The following APBA2 variants were observed in gnomAD, a reference collection of about 807,000 sequenced individuals.
APBA2 encodes amyloid beta precursor protein binding family A member 2, also known as amyloid-beta A4 precursor protein-binding family A member 2.
A neutral mutation model predicts 75.0 loss-of-function variants in APBA2; 30 were observed. That is an observed-to-expected ratio of 0.40 (90% CI 0.30 to 0.54). The LOEUF (loss-of-function observed/expected upper bound fraction) is 0.54. Among genes scored for constraint, APBA2 ranks in the 20% least tolerant of loss-of-function variants. APBA2 has a pLI of 0.49. For synonymous variants in APBA2, 444 were observed against 409.6 expected, an observed-to-expected ratio of 1.08 and a Z score of -1.01; for missense variants, 801 against 1,016.1, an observed-to-expected ratio of 0.79 and a Z score of 2.88.
chr15:29,002,774 A>G lies in APBA2; in HGVS notation c.-41+6968A>G, dbSNP rs555605702. 2.4e-3 allele frequency among the ~76,000 whole-genome samples: 372 copies of G among 152,194 alleles called. 1 individual carries two copies. The highest frequency in any genetic ancestry group is 4.3e-3 in the Non-Finnish European group (290 of 68,010). Reference sequence around the variant, plus strand: ...GCCCCTGACCTTCAGTTCGAGAATCAGCCACTGCAGGAAAGGGTGGCGTCT... The same window carrying G: ...GCCCCTGACCTTCAGTTCGAGAATCGGCCACTGCAGGAAAGGGTGGCGTCT... On this transcript the variant is annotated intron_variant, in intron 3 of 14. Coordinates refer to ENST00000683413, the MANE Select transcript of APBA2 (RefSeq NM_001353788.2).
At chr15:28,994,518 C>T (rs1375096698) in intron 2 of APBA2, among the ~76,000 whole-genome samples, 1 of 152,168 alleles carries the variant, frequency 6.6e-6, no homozygotes, top group Non-Finnish European at 1.5e-5. Context: ...CAGAGGCAAG[C>T]AGGTTACGGC....
At chr15:29,025,690 G>A (rs561798669) in intron 3 of APBA2, among the ~76,000 whole-genome samples, 6 of 152,012 alleles carry the variant, frequency 3.9e-5, no homozygotes, top group Admixed American at 2.6e-4. Flanking sequence ...GGTGGCTCAC[G>A]CCTATAATCC....
intron 2 of APBA2, among the ~76,000 whole-genome samples, chr15:28,925,656 G>A (rs2034220622): frequency 6.6e-6 from 1 of 152,136 alleles, no homozygotes; most frequent in Non-Finnish European, 1.5e-5. Flanking sequence ...GCTGTAGTTG[G>A]ATGGAATATT....
chr15:29,100,866 C>T lies in APBA2; in HGVS notation c.1339-733C>T, dbSNP rs12592853. 2.9e-3 allele frequency among the ~76,000 whole-genome samples: 441 copies of T among 152,272 alleles called. 10 individuals are homozygous for T. The East Asian group carries it at 0.063, about 22-fold the overall frequency. On this transcript the variant is annotated intron_variant, in intron 9 of 14. Transcript: ENST00000683413. ...TGCTCCAGCAGAGACAGCCCGAGAG[C>T]TCACCTGACATCACGCCTCCCTGGG...
rs143018996 is a variant in APBA2 at position 28,941,232 on chromosome 15, G to A, written c.-95+19483G>A. ...AGGATGGAACCTCTGTGTCTGAAGC[G>A]TCTCAGCACATCTGAATTCACAAGC... On this transcript the variant is annotated intron_variant, in intron 2 of 14. Transcript: ENST00000683413. 2.9e-3 allele frequency among the ~76,000 whole-genome samples: 440 copies of A among 152,244 alleles called. 4 individuals carry two copies. Among genetic ancestry groups the A allele is most frequent in the African/African-American group, 0.01 (421 of 41,534 alleles).
intron 2 of APBA2, among the ~76,000 whole-genome samples, chr15:28,965,680 A>G (rs889215445): frequency 7.2e-5 from 11 of 152,206 alleles, no homozygotes; most frequent in African/African-American, 2.6e-4. Context: ...GATCCTGTAC[A>G]TATTTTGTTA....
chr15:29,059,003 A>C (rs1374413766), intron 4 of APBA2, among the ~76,000 whole-genome samples: 2 of 152,228 alleles, frequency 1.3e-5, no homozygotes, highest in African/African-American at 2.4e-5. Context: ...AACTTTGTTA[A>C]CTTGCTAAAA....
intron 3 of APBA2, among the ~76,000 whole-genome samples, chr15:29,051,450 T>C (rs930306490): frequency 1.3e-5 from 2 of 152,148 alleles, no homozygotes; most frequent in African/African-American, 4.8e-5. Context: ...AACACGGCCA[T>C]GGACAAGCCT....
In APBA2 at chr15:28,958,579, C is replaced by T. The variant is rs796474287; in HGVS notation, c.-95+36830C>T. ...GTTCATTATCAGCTGGTAATGGCTT[C>T]ATTTTGTCAGCGGCACAGAGCTCTG... is the stretch of plus-strand genomic sequence containing the variant. On this transcript the variant is annotated intron_variant, in intron 2 of 14. Coordinates refer to ENST00000683413, the MANE Select transcript of APBA2 (RefSeq NM_001353788.2). Among the ~76,000 whole-genome samples the T allele has an allele frequency of 1.5e-3, 232 of 152,202 alleles. 1 individual carries two copies. Among genetic ancestry groups the T allele is most frequent in the Non-Finnish European group, 2.8e-3 (192 of 68,026 alleles).
intron 3 of APBA2, among the ~76,000 whole-genome samples, chr15:29,052,803 C>A (rs2041667779): frequency 6.6e-6 from 1 of 152,110 alleles, no homozygotes; most frequent in African/African-American, 2.4e-5. Context: ...GGCCTTCTTG[C>A]TATGTCATCC....
At chr15:29,063,317 C>A (rs1352593605) in intron 4 of APBA2, among the ~76,000 whole-genome samples, 1 of 100,910 alleles carries the variant, frequency 9.9e-6, no homozygotes, top group Non-Finnish European at 2.0e-5. Context: ...ATGGGTGATG[C>A]GGGGAGTTGA....
intron 4 of APBA2, among the ~76,000 whole-genome samples, chr15:29,056,661 C>T (rs952752244): frequency 7.6e-5 from 9 of 118,412 alleles, no homozygotes; most frequent in African/African-American, 1.6e-4. Context: ...CTCTCTCTCT[C>T]TCTTTCTTTC....
At chr15:29,087,926 C>T (rs1052124142) in intron 6 of APBA2, among the ~76,000 whole-genome samples, 1 of 152,170 alleles carries the variant, frequency 6.6e-6, no homozygotes, top group African/African-American at 2.4e-5. Flanking sequence ...CTTTTGCTCG[C>T]CCCTCCACTG....
At chr15:28,907,363 C>T (rs140795723) in intron 1 of APBA2, among the ~76,000 whole-genome samples, 7,603 of 152,216 alleles carry the variant, frequency 0.05, 667 homozygotes, top group African/African-American at 0.18. Flanking sequence ...CGATATCTAC[C>T]GTACAAGTTA....
chr15:28,899,103 C>T (rs1230314954), intron 1 of APBA2, among the ~76,000 whole-genome samples: 1 of 152,194 alleles, frequency 6.6e-6, no homozygotes, highest in East Asian at 1.9e-4. Context: ...GAAGAGCAGT[C>T]GGGGGGAGAT....
intron 13 of APBA2, among the ~76,000 whole-genome samples, chr15:29,109,828 G>T (rs1316556621): frequency 1.3e-5 from 2 of 152,242 alleles, no homozygotes; most frequent in African/African-American, 4.8e-5. Flanking sequence ...AATCCATAAA[G>T]TACCCCAAGC....
Position 29,033,687 on chromosome 15 carries a change from G to A in APBA2, c.-40-20158G>A, listed in dbSNP as rs528849352. Among the ~76,000 whole-genome samples the A allele has an allele frequency of 1.2e-3, 182 of 152,270 alleles. 1 individual carries two copies. The highest frequency in any genetic ancestry group is 3.4e-3 in the Middle Eastern group (1 of 294). ...CAAAAGAAGGAACACCTGGCTGGGC[G>A]CGGTGGCTCACGCCTGTAATTCCAG... On this transcript the variant is annotated intron_variant, in intron 3 of 14. Transcript: ENST00000683413.
chr15:29,096,241 T>G (rs1215674911), intron 8 of APBA2, among the ~76,000 whole-genome samples: 1 of 152,158 alleles, frequency 6.6e-6, no homozygotes, highest in Non-Finnish European at 1.5e-5. Context: ...GTCTGTAGGA[T>G]CCGTACTGTC....
At chr15:28,911,774 A>T (rs902725334) in intron 1 of APBA2, among the ~76,000 whole-genome samples, 4 of 152,318 alleles carry the variant, frequency 2.6e-5, no homozygotes, top group Middle Eastern at 3.4e-3. Context: ...TCTAATCAGA[A>T]GTGGAACAGT....
Sources: allele counts gnomAD v4.1 joint callset (sites outside exome capture counted in the v4.1 genomes callset), GRCh38; gene constraint gnomAD v4.1.1; transcripts MANE v1.5; gene names NCBI Gene and HGNC (gene_info 2026-07-23, HGNC 2026-07-21).